RASGRP3: variants seen among roughly 807,000 people sequenced by gnomAD.
RASGRP3 encodes the protein ras guanyl-releasing protein 3.
In RASGRP3, 54 loss-of-function variants were observed where a neutral mutation model predicts 82.7. The ratio of observed to expected loss-of-function variants is 0.65; its 90% CI spans 0.52 to 0.82. The LOEUF is 0.82. Among genes scored for constraint, RASGRP3 ranks in the 40% least tolerant of loss-of-function variants. The pLI, the probability that RASGRP3 is intolerant of heterozygous loss-of-function variation, is 0.00. For synonymous variants in RASGRP3, 309 were observed against 300.5 expected, an observed-to-expected ratio of 1.03 and a Z score of -0.29; for missense variants, 861 against 828.9, an observed-to-expected ratio of 1.04 and a Z score of -0.48.
chr2:33,543,834 T>G (rs1342101260), intron 13 of RASGRP3, among the ~76,000 whole-genome samples: 1 of 152,202 alleles, frequency 6.6e-6, no homozygotes, highest in East Asian at 1.9e-4. Flanking sequence ...GTTGTCAGTG[T>G]TGAACACAAG....
At chr2:33,505,850 C>T (rs1037955030) in intron 1 of RASGRP3, among the ~76,000 whole-genome samples, 2 of 152,072 alleles carry the variant, frequency 1.3e-5, no homozygotes, top group Non-Finnish European at 2.9e-5. Flanking sequence ...ATATCATTTC[C>T]CTGCTATGTT....
intron 1 of RASGRP3, among the ~76,000 whole-genome samples, chr2:33,487,426 T>C (rs971154348): frequency 6.6e-6 from 1 of 152,172 alleles, no homozygotes; most frequent in Non-Finnish European, 1.5e-5. Flanking sequence ...GTAAAGTTGA[T>C]AGTTCTTGAG....
At position 33,521,987 on chromosome 2, in the gene RASGRP3, A is replaced by G. The variant is rs1672077779; in HGVS notation, c.401A>G (p.Gln134Arg). 5.0e-6 allele frequency: 8 copies of G among 1,613,816 alleles called. No individual in the cohort carries two copies. The highest frequency in any genetic ancestry group is 1.1e-5 in the South Asian group (1 of 91,026). The change falls in exon 7 of 18, where the codon CAG becomes CGG. Residue 134 changes from glutamine to arginine, a missense_variant. Physicochemically the swap from Gln to Arg is conservative, Grantham distance 43 (BLOSUM62 1). Transcript: ENST00000403687. ...PSYDWMRRVT[Q>R]RKKVSKKGKA... is the part of the protein sequence containing the mutation. The stretch of plus-strand genomic sequence containing the variant: ...TATGACTGGATGAGAAGAGTCACAC[A>G]GAGGAAAAAAGTATCCAAGAAGGGA...
At chr2:33,534,669 T>C (rs997620408) in intron 11 of RASGRP3, among the ~76,000 whole-genome samples, 1 of 151,348 alleles carries the variant, frequency 6.6e-6, no homozygotes, top group Non-Finnish European at 1.5e-5. Flanking sequence ...GCTAGAATTA[T>C]AGGTGCACAC....
chr2:33,443,852 G>C (rs1044888019), intron 1 of RASGRP3, among the ~76,000 whole-genome samples: 1 of 151,784 alleles, frequency 6.6e-6, no homozygotes, highest in African/African-American at 2.4e-5. Context: ...CTGCACTCCA[G>C]CCAGGGCAAC....
chr2:33,500,888 C>G (rs528757542), intron 1 of RASGRP3, among the ~76,000 whole-genome samples: 2 of 152,078 alleles, frequency 1.3e-5, no homozygotes, highest in Non-Finnish European at 2.9e-5. Context: ...GAGCCAAGAT[C>G]GCACCACTGC....
At chr2:33,521,671 C>A (rs1199991042) in intron 6 of RASGRP3, among the ~76,000 whole-genome samples, 1 of 152,196 alleles carries the variant, frequency 6.6e-6, no homozygotes, top group African/African-American at 2.4e-5. Flanking sequence ...TATATACTAG[C>A]CCCGACCTTT....
chr2:33,550,966 AGT>A (rs1334869425), intron 14 of RASGRP3, among the ~76,000 whole-genome samples: 1 of 152,214 alleles, frequency 6.6e-6, no homozygotes. Flanking sequence ...GAGAAGGTGA[AGT>A]TCTTCTTTAG....
intron 7 of RASGRP3, among the ~76,000 whole-genome samples, chr2:33,522,377 C>A (rs1672122231): frequency 1.3e-5 from 2 of 152,148 alleles, no homozygotes; most frequent in African/African-American, 4.8e-5. Context: ...GGAGATTTAA[C>A]CATTCAAGGT....
rs1574485282 is a variant in RASGRP3, at chr2:33,549,737, C to T, written c.1528C>T (p.His510Tyr). The T allele has an allele frequency of 6.2e-7, 1 of 1,613,832 alleles. No homozygotes were observed. Among genetic ancestry groups the T allele is most frequent in the Non-Finnish European group, 8.5e-7 (1 of 1,179,840 alleles). Residue 510 changes from histidine to tyrosine, a missense_variant, in exon 14 of 18, where the codon CAC (histidine) becomes TAC (tyrosine). Coordinates refer to ENST00000403687, the MANE Select transcript of RASGRP3 (RefSeq NM_001139488.2). Reference protein sequence around the residue: ...MTYLKPTFCEHCAGFLWGIIK... With the variant: ...MTYLKPTFCEYCAGFLWGIIK... ...CTATCTCAAGCCAACCTTCTGCGAA[C>T]ACTGTGCGGGATTTGTAAGTCTGTT...
chr2:33,450,885 T>A (rs1470479696), intron 2 of RASGRP3, among the ~76,000 whole-genome samples: 2 of 128,850 alleles, frequency 1.6e-5, no homozygotes, highest in Non-Finnish European at 3.2e-5. Context: ...TCGCCCAGGC[T>A]GGAGTGTAGT....
At chr2:33,460,068 T>C (rs1446584521) in intron 2 of RASGRP3, among the ~76,000 whole-genome samples, 1 of 152,188 alleles carries the variant, frequency 6.6e-6, no homozygotes, top group African/African-American at 2.4e-5. Context: ...AATAAAAGCA[T>C]TAGCAACTAA....
At chr2:33,489,330 A>T (rs1668656276) in intron 1 of RASGRP3, among the ~76,000 whole-genome samples, 1 of 152,204 alleles carries the variant, frequency 6.6e-6, no homozygotes, top group Non-Finnish European at 1.5e-5. Context: ...GCAGTAAGTG[A>T]TGATGGCCTA....
intron 1 of RASGRP3, among the ~76,000 whole-genome samples, chr2:33,447,386 G>A (rs921024366): frequency 6.6e-6 from 1 of 152,050 alleles, no homozygotes; most frequent in South Asian, 2.1e-4. Context: ...ACAAAACATA[G>A]GGTAATTGTG....
intron 1 of RASGRP3, among the ~76,000 whole-genome samples, chr2:33,445,037 C>T (rs964348598): frequency 3.9e-5 from 6 of 152,142 alleles, no homozygotes; most frequent in African/African-American, 9.7e-5. Context: ...CACATACTTC[C>T]AACATTGTGA....
At chr2:33,440,890 GT>G (rs61047299) in intron 1 of RASGRP3, among the ~76,000 whole-genome samples, 11 of 150,736 alleles carry the variant, frequency 7.3e-5, no homozygotes, top group Admixed American at 2.7e-4. Context: ...CTCCAAACTT[GT>G]TTTTTTTTCT....
At chr2:33,561,890 GGCA>G (rs1375195872) in intron 17 of RASGRP3, among the ~76,000 whole-genome samples, 8 of 152,184 alleles carry the variant, frequency 5.3e-5, no homozygotes, top group Admixed American at 3.3e-4. Context: ...TTACTCTCTT[GGCA>G]GTAAGAATAC....
intron 12 of RASGRP3, among the ~76,000 whole-genome samples, chr2:33,540,557 TG>T (rs1420711178): frequency 5.3e-4 from 5 of 9,492 alleles, no homozygotes; most frequent in Non-Finnish European, 1.1e-3. Flanking sequence ...GTGTGTGTTT[TG>T]TGTGTGTGTG....
At chr2:33,522,445 T>G (rs1022392603) in intron 7 of RASGRP3, among the ~76,000 whole-genome samples, 2 of 152,226 alleles carry the variant, frequency 1.3e-5, no homozygotes, top group South Asian at 2.1e-4. Context: ...CCTTCGTTTT[T>G]GGGAAAAAAT....
Sources: allele counts gnomAD v4.1 joint callset (sites outside exome capture counted in the v4.1 genomes callset), GRCh38; gene constraint gnomAD v4.1.1; transcripts MANE v1.5; gene names NCBI Gene and HGNC (gene_info 2026-07-23, HGNC 2026-07-21).